CLSTN3: variants seen among roughly 807,000 people sequenced by gnomAD.
CLSTN3 encodes calsyntenin-3.
CLSTN3 carries 36 observed loss-of-function variants against 95.9 expected under a neutral mutation model. That is an observed-to-expected ratio of 0.38 (90% CI 0.29 to 0.50). The LOEUF (loss-of-function observed/expected upper bound fraction) is 0.50. Ranked by LOEUF, CLSTN3 falls within the 20% of genes least tolerant of loss-of-function variation. The pLI is 0.95. For missense variants in CLSTN3, 1,084 were observed against 1,268.8 expected (o/e 0.85, Z 2.21); for synonymous variants, 481 against 504.0 (o/e 0.95, Z 0.61).
At chr12:7,135,261 A>G (rs1401030009) in intron 3 of CLSTN3, 66 bp from the exon 4 acceptor site, 30 of 1,471,476 alleles carry the variant, frequency 2.0e-5, no homozygotes, top group Non-Finnish European at 2.8e-5. Context: ...TCAAGGCTGT[A>G]TCTCAATGTA....
intron 12 of CLSTN3, among the ~76,000 whole-genome samples, chr12:7,144,880 G>A (rs1000159541): frequency 1.3e-5 from 2 of 152,194 alleles, no homozygotes; most frequent in African/African-American, 4.8e-5. Context: ...AGGGTGTGGA[G>A]CTGAAGGTCA....
chr12:7,147,947 G>A (rs2135811018), intron 12 of CLSTN3, among the ~76,000 whole-genome samples: 1 of 152,232 alleles, frequency 6.6e-6, no homozygotes, highest in East Asian at 1.9e-4. Context: ...CTGAAGTCAG[G>A]AGTTCAAGAC....
chr12:7,144,173 CAGTGAGCCG>C (rs1939583194), intron 12 of CLSTN3, among the ~76,000 whole-genome samples: 1 of 140,036 alleles, frequency 7.1e-6, no homozygotes, highest in Admixed American at 7.9e-5. Flanking sequence ...GCGGAGGTTT[CAGTGAGCCG>C]AGATTGCACC....
At chr12:7,132,881 A>T in intron 1 of CLSTN3, 143 bp from the exon 2 acceptor site, 1 of 1,101,696 alleles carries the variant, frequency 9.1e-7, no homozygotes, top group Non-Finnish European at 1.3e-6. Context: ...GTCCTCAACC[A>T]CCCGCCTCCT....
At chr12:7,153,451 A>G (rs760422620) in intron 16 of CLSTN3, among the ~76,000 whole-genome samples, 10 of 152,240 alleles carry the variant, frequency 6.6e-5, no homozygotes, top group Middle Eastern at 3.4e-3. Context: ...GGACTTGCAG[A>G]CGCCTTTTTC....
intron 16 of CLSTN3, among the ~76,000 whole-genome samples, chr12:7,154,790 G>A (rs1162209329): frequency 6.6e-6 from 1 of 152,052 alleles, no homozygotes; most frequent in Non-Finnish European, 1.5e-5. Context: ...AAAGCAATAG[G>A]ACAAAAAGAA....
chr12:7,137,049 C>A lies in CLSTN3; in HGVS notation c.1149C>A (p.Gly383=), dbSNP rs761139498. 4.3e-6 allele frequency: 7 copies of A among 1,613,996 alleles called. No homozygotes were observed. The highest frequency in any genetic ancestry group is 1.7e-5 in the Admixed American group (1 of 60,002). The change falls in exon 7 of 18, where the codon GGC becomes GGA. Residue 383 remains glycine, a synonymous_variant. Transcript: ENST00000266546. This position sits in a 1 kb window ranked among gnomAD's most constrained non-coding sequence, Gnocchi z 4.4. The part of the protein sequence containing the change: ...HFTLSFWMKH[G]VTPNKGKKEE... ...CCCTGTCCTTCTGGATGAAGCATGG[C>A]GTAACTCCCAACAAGGGCAAGAAGG... is the stretch of plus-strand genomic sequence containing the variant.
chr12:7,134,524 G>A (rs1336764581), intron 3 of CLSTN3, among the ~76,000 whole-genome samples: 2 of 152,228 alleles, frequency 1.3e-5, no homozygotes, highest in Admixed American at 6.5e-5. Flanking sequence ...CTTGGCCTGG[G>A]GCAGGGCTCA....
chr12:7,147,462 A>AGACTCTGGTTTAAGCCTT (rs1939639006), intron 12 of CLSTN3, among the ~76,000 whole-genome samples: 1 of 149,170 alleles, frequency 6.7e-6, no homozygotes, highest in African/African-American at 2.5e-5. Flanking sequence ...ATTTAAGCCT[A>AGACTCTGGTTTAAGCCTT]GACTCTGGTT....
intron 12 of CLSTN3, among the ~76,000 whole-genome samples, chr12:7,144,431 C>T (rs1285314427): frequency 6.6e-6 from 1 of 152,080 alleles, no homozygotes; most frequent in Non-Finnish European, 1.5e-5. Flanking sequence ...TGGCACTGGG[C>T]AAATGCTATA....
At chr12:7,130,864 C>A in intron 1 of CLSTN3, 152 bp downstream of exon 1, 1 of 689,802 alleles carries the variant, frequency 1.4e-6, no homozygotes, top group South Asian at 1.7e-5. Flanking sequence ...CTCAGACCTG[C>A]TCCGTCTCCT....
rs1379727339 is a variant in CLSTN3, at chr12:7,135,887, A to G, written c.676A>G (p.Lys226Glu). ...AGTGACAGCTTATGACTGTGGGAAG[A>G]AGCGGGCAGCAGATGATGCTGAGGT... The part of the protein sequence containing the change: ...FTVTAYDCGK[K>E]RAADDAEVEI... The change falls in exon 5 of 18, where the codon AAG (lysine) becomes GAG (glutamate). Residue 226 changes from lysine to glutamate, a missense_variant. Lys to Glu is a moderately conservative substitution (Grantham distance 56). Transcript: ENST00000266546. The G allele has an allele frequency of 6.2e-7, 1 of 1,614,134 alleles. No individual in the cohort carries two copies. Among genetic ancestry groups the G allele is most frequent in the Non-Finnish European group, 8.5e-7 (1 of 1,179,982 alleles).
intron 12 of CLSTN3, among the ~76,000 whole-genome samples, chr12:7,146,518 C>T (rs1244386885): frequency 2.0e-5 from 3 of 152,164 alleles, no homozygotes; most frequent in South Asian, 2.1e-4. Flanking sequence ...GTAAGCTTCT[C>T]GCCATCCACT....
At chr12:7,145,451 CT>C (rs1397864651) in intron 12 of CLSTN3, among the ~76,000 whole-genome samples, 1 of 152,114 alleles carries the variant, frequency 6.6e-6, no homozygotes, top group Non-Finnish European at 1.5e-5. Flanking sequence ...TTCCTTGCCC[CT>C]GTCCCTGTGG....
At chr12:7,139,967 C>G (rs1189797746) in intron 8 of CLSTN3, among the ~76,000 whole-genome samples, 1 of 152,114 alleles carries the variant, frequency 6.6e-6, no homozygotes, top group East Asian at 1.9e-4. Flanking sequence ...AACAAGATCC[C>G]CTTGGCAACT....
intron 12 of CLSTN3, among the ~76,000 whole-genome samples, chr12:7,145,050 A>G (rs974354464): frequency 6.6e-6 from 1 of 152,200 alleles, no homozygotes; most frequent in East Asian, 1.9e-4. Context: ...CTGAGGAGCC[A>G]TGGCAGAAGG....
rs35489298 is a variant in CLSTN3, at chr12:7,137,756, A to ATGTGTG, written c.1211-164_1211-159dup. On this transcript the variant is annotated intron_variant, in intron 7 of 17. Transcript: ENST00000266546. This position sits in a 1 kb window ranked among gnomAD's most constrained non-coding sequence, Gnocchi z 4.4. ...AGCCCAAGTTATCACTTGGACTGGA[A>ATGTGTG]TGTGTGTGTGTGTGTGTGTGTGTGT... is the stretch of plus-strand genomic sequence containing the variant. Among the ~76,000 whole-genome samples the ATGTGTG allele has an allele frequency of 5.1e-3, 390 of 76,092 alleles. 7 individuals are homozygous for ATGTGTG. Among genetic ancestry groups the ATGTGTG allele is most frequent in the African/African-American group, 0.017 (280 of 16,774 alleles). The allele number at this position is 76,092 out of a possible 152,430, so 49.9% of individuals were successfully genotyped here. A position where few individuals can be genotyped will look rare whatever the true frequency, so the allele number is the denominator to read the frequency against.
intron 9 of CLSTN3, 66 bp from the exon 10 acceptor site, chr12:7,142,020 C>A (rs1407830667): frequency 7.7e-7 from 1 of 1,296,490 alleles, no homozygotes; most frequent in Non-Finnish European, 1.1e-6. Flanking sequence ...CATCTCATTC[C>A]TCTCTGTCAA....
At chr12:7,130,760 G>A (rs1290786939) in intron 1 of CLSTN3, 48 bp downstream of exon 1, 7 of 1,494,118 alleles carry the variant, frequency 4.7e-6, no homozygotes, top group Non-Finnish European at 6.4e-6. Flanking sequence ...GTCGGGCAGC[G>A]CCGTGCGGGG....
Sources: allele counts gnomAD v4.1 joint callset (sites outside exome capture counted in the v4.1 genomes callset), GRCh38; gene constraint gnomAD v4.1.1; non-coding constraint Gnocchi (gnomAD v3.1); transcripts MANE v1.5; gene names NCBI Gene and HGNC (gene_info 2026-07-23, HGNC 2026-07-21).